Variants in MEI1 observed in about 807,000 individuals in gnomAD.
MEI1 encodes meiotic double-stranded break formation protein 1, also known as meiosis inhibitor protein 1.
In MEI1, 103 loss-of-function variants were observed where a neutral mutation model predicts 146.2. The observed-to-expected ratio is 0.70, with a 90% CI of 0.60 to 0.83. MEI1 has a LOEUF of 0.83. MEI1 is among the 40% of genes least tolerant of loss of function. The pLI, the probability that MEI1 is intolerant of heterozygous loss-of-function variation, is 0.00. For missense variants in MEI1, 1,529 were observed against 1,533.0 expected, an observed-to-expected ratio of 1.00 and a Z score of 0.04; for synonymous variants, 652 against 628.2, an observed-to-expected ratio of 1.04 and a Z score of -0.57.
intron 26 of MEI1, among the ~76,000 whole-genome samples, chr22:41,790,368 A>G (rs959516165): frequency 6.6e-6 from 1 of 152,134 alleles, no homozygotes; most frequent in African/African-American, 2.4e-5. Context: ...TACAGGTGTG[A>G]GCCACCGCAC....
rs190911941 is a variant in MEI1, at chr22:41,784,349, C to T, written c.3098C>T (p.Thr1033Ile). Residue 1033 changes from threonine to isoleucine, a missense_variant, in exon 25 of 31, where the codon ACA becomes ATA. Thr to Ile is a moderately conservative substitution (Grantham distance 89). This residue lies in a region of MEI1 where 313 missense variants were observed against 337.3 expected (regional missense o/e 0.93). Transcript: ENST00000401548. ...QHKGSLQVHQ[T>I]LSVEMDQVLK... ...CCTGTGCCCTGCCAGGTTCACCAGA[C>T]ACTCTCTGTGGAAATGGACCAAGTA... is the stretch of plus-strand genomic sequence containing the variant. The T allele has an allele frequency of 1.2e-4, 194 of 1,613,848 alleles. No homozygotes were observed. The highest frequency in any genetic ancestry group is 5.0e-4 in the Middle Eastern group (3 of 6,060).
At chr22:41,756,500 G>A (rs1451855883) in intron 17 of MEI1, among the ~76,000 whole-genome samples, 16 of 151,774 alleles carry the variant, frequency 1.1e-4, no homozygotes, top group South Asian at 2.1e-4. Flanking sequence ...TTGGGACAGC[G>A]TCTTGTTCTG....
intron 12 of MEI1, among the ~76,000 whole-genome samples, chr22:41,743,786 CTA>C (rs1203473698): frequency 1.3e-5 from 2 of 152,180 alleles, no homozygotes; most frequent in Non-Finnish European, 2.9e-5. Context: ...CTAATGCCCA[CTA>C]GCCTGTGACA....
At chr22:41,783,900 C>A (rs1033657288) in intron 24 of MEI1, among the ~76,000 whole-genome samples, 1 of 152,148 alleles carries the variant, frequency 6.6e-6, no homozygotes, top group Non-Finnish European at 1.5e-5. Flanking sequence ...CCAGGCTGGT[C>A]TTGAACTCCT....
At chr22:41,713,258 C>G (rs966071150) in intron 3 of MEI1, among the ~76,000 whole-genome samples, 11 of 152,056 alleles carry the variant, frequency 7.2e-5, no homozygotes, top group Admixed American at 7.2e-4. Context: ...ACTGCTGAAG[C>G]CCAGGCATTT....
intron 3 of MEI1, among the ~76,000 whole-genome samples, chr22:41,710,332 A>G (rs941379526): frequency 1.2e-4 from 18 of 152,140 alleles, no homozygotes; most frequent in African/African-American, 4.3e-4. Context: ...AGTCTGTGGT[A>G]TTTTATTATG....
intron 30 of MEI1, 99 bp from the exon 31 acceptor site, chr22:41,799,155 C>A: frequency 1.8e-6 from 2 of 1,140,670 alleles, no homozygotes; most frequent in Non-Finnish European, 2.6e-6. Context: ...CACTTCTGTT[C>A]TTGCCTGACC....
At chr22:41,704,489 C>T (rs1339873017) in intron 2 of MEI1, among the ~76,000 whole-genome samples, 1 of 151,336 alleles carries the variant, frequency 6.6e-6, no homozygotes, top group Non-Finnish European at 1.5e-5. Flanking sequence ...TCTCAGCTCA[C>T]TGCAACCTCC....
Position 41,725,144 on chromosome 22 carries a change from C to T in MEI1, c.864+1071C>T, listed in dbSNP as rs535801258. 3.3e-5 allele frequency among the ~76,000 whole-genome samples: 5 copies of T among 151,264 alleles called. No individual in the cohort carries two copies. The South Asian group carries it at 6.3e-4, about 19-fold the overall frequency. On this transcript the variant is annotated intron_variant, in intron 7 of 30. Coordinates refer to ENST00000401548, the MANE Select transcript of MEI1 (RefSeq NM_152513.4). ...TTATTTTTTTTTTGAGATGTAGTCTCGCTGTTGCCCAGGCTGGTGTGCAGT... is the reference window on the plus strand; with the variant it reads ...TTATTTTTTTTTTGAGATGTAGTCTTGCTGTTGCCCAGGCTGGTGTGCAGT...
At chr22:41,747,789 C>T (rs903482986) in intron 14 of MEI1, among the ~76,000 whole-genome samples, 4 of 130,552 alleles carry the variant, frequency 3.1e-5, no homozygotes, top group African/African-American at 8.7e-5. Flanking sequence ...TTATTACTAT[C>T]GTAATAGAAA....
intron 1 of MEI1, 54 bp from the exon 2 acceptor site, chr22:41,703,277 T>G: frequency 6.3e-7 from 1 of 1,589,072 alleles, no homozygotes; most frequent in Non-Finnish European, 8.6e-7. Context: ...GTTGTTGGAT[T>G]CAGAATAGCC....
In MEI1 at chr22:41,714,110, G is replaced by C. The variant is rs765221510; in HGVS notation, c.423+35G>C. 7.1e-6 allele frequency: 11 copies of C among 1,552,862 alleles called. No individual in the cohort carries two copies. The Admixed American group carries it at 1.5e-4, about 21-fold the overall frequency. On this transcript the variant is annotated intron_variant, in intron 4 of 30. Transcript: ENST00000401548. ...TAGCTATGGGTTCTTGAGTCTCTCAGAATCCTCAGATGTCAGAGCTGGGTC... is the reference window on the plus strand; with the variant it reads ...TAGCTATGGGTTCTTGAGTCTCTCACAATCCTCAGATGTCAGAGCTGGGTC...
chr22:41,745,063 A>G lies in MEI1; in HGVS notation c.1537A>G (p.Arg513Gly). ...TCTGGAGGGATTTAGAAGTGCCTGC[A>G]GGTGAGGGGCCCTCTGAGGTATGAA... ...STLEGFRSAC[R>G]LAIEFQSEPS... The change falls in exon 13 of 31, where the codon AGG becomes GGG. Residue 513 changes from arginine (R) to glycine (G), a missense_variant and splice_region_variant. Physicochemically the swap from Arg to Gly is moderately radical, Grantham distance 125. Around this residue, in one of 3 missense-constraint regions of MEI1, gnomAD observed 1,212 missense variants for 1,178.9 expected, o/e 1.03. Transcript: ENST00000401548. The G allele has an allele frequency of 6.5e-7, 1 of 1,543,154 alleles. No homozygotes were observed. Among genetic ancestry groups the G allele is most frequent in the East Asian group, 2.4e-5 (1 of 41,196 alleles).
chr22:41,759,461 C>G (rs1191860478), intron 18 of MEI1: 3 of 151,916 alleles, frequency 2.0e-5, no homozygotes, highest in Non-Finnish European at 4.4e-5. Flanking sequence ...AACCCCGTCT[C>G]TACTAAAAAT....
rs190006007 is a variant in MEI1, at chr22:41,727,686, G to A, written c.865-1979G>A. 9.9e-5 allele frequency among the ~76,000 whole-genome samples: 15 copies of A among 152,250 alleles called. No homozygotes were observed. The East Asian group carries it at 2.7e-3, about 27-fold the overall frequency. On this transcript the variant is annotated intron_variant, in intron 7 of 30. Transcript: ENST00000401548. Reference sequence around the variant, plus strand: ...AACGTATAGTCATACTCATAGCTACGATTTACGGCAGTGTAAGGAAAGCAG... The same window carrying A: ...AACGTATAGTCATACTCATAGCTACAATTTACGGCAGTGTAAGGAAAGCAG...
intron 30 of MEI1, among the ~76,000 whole-genome samples, chr22:41,796,986 T>C (rs781241511): frequency 5.3e-5 from 8 of 152,192 alleles, no homozygotes; most frequent in Non-Finnish European, 1.2e-4. Context: ...TAAAATTATA[T>C]TTTTTACATT....
At chr22:41,733,778 T>A (rs2072073435) in intron 11 of MEI1, among the ~76,000 whole-genome samples, 1 of 151,994 alleles carries the variant, frequency 6.6e-6, no homozygotes, top group African/African-American at 2.4e-5. Context: ...ATAATAACTA[T>A]TTATATAGCA....
chr22:41,733,656 G>A (rs910845842), intron 11 of MEI1, among the ~76,000 whole-genome samples: 1 of 150,198 alleles, frequency 6.7e-6, no homozygotes, highest in Non-Finnish European at 1.5e-5. Flanking sequence ...GCTGAGGCAC[G>A]AGAATTGCTG....
chr22:41,765,883 C>CTT (rs1013045266), intron 19 of MEI1, among the ~76,000 whole-genome samples: 248 of 86,026 alleles, frequency 2.9e-3, no homozygotes, highest in Non-Finnish European at 3.3e-3. Flanking sequence ...CCAAAATGTT[C>CTT]TTTTTTTTTT....
Sources: allele counts gnomAD v4.1 joint callset (sites outside exome capture counted in the v4.1 genomes callset), GRCh38; gene constraint gnomAD v4.1.1; regional missense constraint gnomAD v4.1.1; transcripts MANE v1.5; gene names NCBI Gene and HGNC (gene_info 2026-07-23, HGNC 2026-07-21).